ZSCAN18: variants seen among roughly 807,000 people sequenced by gnomAD.
ZSCAN18 encodes zinc finger and SCAN domain containing 18, also known as zinc finger and SCAN domain-containing protein 18.
A neutral mutation model predicts 31.1 loss-of-function variants in ZSCAN18; 16 were observed. The ratio of observed to expected loss-of-function variants is 0.51; its 90% CI spans 0.35 to 0.78. The LOEUF (loss-of-function observed/expected upper bound fraction) is 0.78. Among genes scored for constraint, ZSCAN18 ranks in the 30% least tolerant of loss-of-function variants. The pLI, the probability that ZSCAN18 is intolerant of heterozygous loss-of-function variation, is 0.01. For synonymous variants in ZSCAN18, 375 were observed against 320.7 expected (o/e 1.17, Z -1.81); for missense variants, 731 against 697.4 (o/e 1.05, Z -0.54).
At chr19:58,109,041 G>A (rs1376756176) in intron 1 of ZSCAN18, 1 of 1,221,924 alleles carries the variant, frequency 8.2e-7, no homozygotes, top group Non-Finnish European at 1.0e-6. Context: ...ATGAAGCTAG[G>A]ACTGAGCAGA....
In ZSCAN18 at chr19:58,086,008, G is replaced by A. The variant is rs565717457; in HGVS notation, c.838+166C>T. On this transcript the variant is annotated intron_variant, in intron 6 of 6. Coordinates refer to ENST00000601144, the MANE Select transcript of ZSCAN18 (RefSeq NM_001145543.2). ...GGTCTGTCATGCAGCAAGAGACCATGGACGTAACTGGATTCCTGCCTCACT... is the reference window on the plus strand; with the variant it reads ...GGTCTGTCATGCAGCAAGAGACCATAGACGTAACTGGATTCCTGCCTCACT... 4.3e-4 allele frequency: 273 copies of A among 629,272 alleles called. 1 individual carries two copies. Among genetic ancestry groups the A allele is most frequent in the African/African-American group, 4.1e-3 (224 of 54,394 alleles). The allele number at this position is 629,272 out of a possible 1,614,324, so 39.0% of individuals were successfully genotyped here.
At chr19:58,116,553 C>T (rs1338783143) in intron 1 of ZSCAN18, among the ~76,000 whole-genome samples, 1 of 152,032 alleles carries the variant, frequency 6.6e-6, no homozygotes, top group African/African-American at 2.4e-5. Flanking sequence ...GCTCCTTTCC[C>T]AAACCGTCCC....
At position 58,090,025 on chromosome 19, in the gene ZSCAN18, C is replaced by T. The variant is rs775615636; in HGVS notation, c.243G>A (p.Glu81=). The T allele has an allele frequency of 2.0e-5, 33 of 1,613,914 alleles. No homozygotes were observed. Among genetic ancestry groups the T allele is most frequent in the Non-Finnish European group, 2.6e-5 (31 of 1,180,060 alleles). The change falls in exon 2 of 7, where the codon GAG becomes GAA. Residue 81 remains glutamate (E), a synonymous_variant. Transcript: ENST00000601144. The surrounding 1 kb of genome is among the most constrained non-coding windows in gnomAD (Gnocchi z 4.7). ...CCAGCATCTGCTCCTTGGAGCGCGCCTCAGGCATCAGCCACTGGCGGCACA... is the reference window on the plus strand; with the variant it reads ...CCAGCATCTGCTCCTTGGAGCGCGCTTCAGGCATCAGCCACTGGCGGCACA... ...HELCRQWLMP[E]ARSKEQMLEL...
chr19:58,109,348 T>C (rs2074660752), intron 1 of ZSCAN18: 18 of 1,231,192 alleles, frequency 1.5e-5, no homozygotes, highest in South Asian at 8.2e-5. Flanking sequence ...AGAGAAAAAA[T>C]TGCTAGAGTT....
rs540056071 is a variant in ZSCAN18 at position 58,106,346 on chromosome 19, G to A, written c.130+11921C>T. On this transcript the variant is annotated intron_variant, in intron 1 of 1. Transcript: ENST00000595721. ...TGAGCCTAGAGGTCGAGGCTGCAGC[G>A]AGCCATGGTTGCAGCACTGCACTCC... 1.5e-3 allele frequency among the ~76,000 whole-genome samples: 228 copies of A among 152,228 alleles called. 1 individual carries two copies. The highest frequency in any genetic ancestry group is 5.0e-3 in the African/African-American group (207 of 41,548).
At chr19:58,093,171 C>T (rs995675539) in intron 1 of ZSCAN18, 2 of 152,284 alleles carry the variant, frequency 1.3e-5, no homozygotes, top group East Asian at 1.9e-4. Flanking sequence ...CTGACACCCG[C>T]TCACTGCCCC....
intron 1 of ZSCAN18, among the ~76,000 whole-genome samples, chr19:58,105,016 T>C (rs1288274477): frequency 6.6e-6 from 1 of 152,208 alleles, no homozygotes; most frequent in Non-Finnish European, 1.5e-5. Flanking sequence ...CCGACTCTTG[T>C]TAAGGGCTAA....
At chr19:58,101,573 G>A (rs1401813982), upstream of ZSCAN18, among the ~76,000 whole-genome samples, 1 of 147,470 alleles carries the variant, frequency 6.8e-6, no homozygotes, top group East Asian at 2.0e-4. Flanking sequence ...AGGTTGGAGT[G>A]CAGTGATGCA....
intron 1 of ZSCAN18, among the ~76,000 whole-genome samples, chr19:58,095,949 CTGGGACCCTGATGCT>C: frequency 6.6e-6 from 1 of 152,344 alleles, no homozygotes; most frequent in East Asian, 1.9e-4. Flanking sequence ...TCCCTTCCTA[CTGGGACCCTGATGCT>C]CACAGCCAGG....
At chr19:58,117,453 T>C (rs1461855425) in intron 1 of ZSCAN18, among the ~76,000 whole-genome samples, 1 of 150,280 alleles carries the variant, frequency 6.7e-6, no homozygotes, top group Non-Finnish European at 1.5e-5. Context: ...TCACAGTGGG[T>C]AGGAAGGGGA....
At chr19:58,109,318 G>C in intron 1 of ZSCAN18, 3 of 1,231,578 alleles carry the variant, frequency 2.4e-6, no homozygotes, top group Non-Finnish European at 3.0e-6. Context: ...AAAGGAAAAG[G>C]GGAAAATTTT....
chr19:58,088,470 AT>A, intron 3 of ZSCAN18: 1 of 512,786 alleles, frequency 2.0e-6, no homozygotes, highest in East Asian at 3.0e-5. Context: ...TTTCTTCACT[AT>A]TTGTGGTAAG....
intron 1 of ZSCAN18, among the ~76,000 whole-genome samples, chr19:58,115,363 G>T (rs1271830922): frequency 2.0e-5 from 3 of 152,194 alleles, no homozygotes; most frequent in Non-Finnish European, 2.9e-5. Context: ...TTATATTAAA[G>T]ATATCACTGC....
At chr19:58,092,627 A>G in intron 1 of ZSCAN18, 1 of 895,416 alleles carries the variant, frequency 1.1e-6, no homozygotes, top group African/African-American at 1.8e-5. Flanking sequence ...TCAACTATCA[A>G]CCTCTCTCTC....
At chr19:58,109,272 T>A (rs778765998) in intron 1 of ZSCAN18, 8 of 1,231,630 alleles carry the variant, frequency 6.5e-6, no homozygotes, top group Non-Finnish European at 7.1e-6. Context: ...CCATCCCAAG[T>A]TGATGCTTCC....
rs1367941850 is a variant in ZSCAN18 at position 58,118,340 on chromosome 19, G to GT, written c.56_57insA (p.Phe19LeufsTer24). On this transcript the variant is annotated frameshift_variant, in exon 1 of 2. Transcript: ENST00000595721. LOFTEE classifies it high-confidence loss of function. ...AGACCCGAGAGGCCGCGAGAGGACG[G>GT]AACTCACTTCCCGCCGCCGTAGCGT... 2.0e-6 allele frequency: 3 copies of GT among 1,533,220 alleles called. No homozygotes were observed. The African/African-American group carries it at 4.2e-5, about 22-fold the overall frequency. 95.0% of individuals were successfully genotyped at this position (1,533,220 alleles called of 1,614,324 possible).
intron 4 of ZSCAN18, 84 bp from the exon 5 acceptor site, chr19:58,087,092 C>G (rs1803362107): frequency 1.6e-6 from 2 of 1,256,844 alleles, no homozygotes; most frequent in Non-Finnish European, 1.1e-6. Flanking sequence ...CAGGAGCAGG[C>G]TAGGAGCCAG....
intron 1 of ZSCAN18, chr19:58,108,640 T>G (rs984905185): frequency 1.0e-6 from 1 of 985,450 alleles, no homozygotes; most frequent in Non-Finnish European, 1.2e-6. Flanking sequence ...GAAATGAGAT[T>G]TCGGTCTAAC....
At chr19:58,099,968 T>TTTTTTG (rs1047665084), upstream of ZSCAN18, among the ~76,000 whole-genome samples, 5 of 149,514 alleles carry the variant, frequency 3.3e-5, no homozygotes, top group African/African-American at 1.0e-4. Flanking sequence ...AGCTATGTTT[T>TTTTTTG]TTTTTTTTTT....
Sources: allele counts gnomAD v4.1 joint callset (sites outside exome capture counted in the v4.1 genomes callset), GRCh38; gene constraint gnomAD v4.1.1; non-coding constraint Gnocchi (gnomAD v3.1); transcripts MANE v1.5; gene names NCBI Gene and HGNC (gene_info 2026-07-23, HGNC 2026-07-21).